Variants in HECTD4 observed in about 807,000 individuals in gnomAD.
The protein encoded by HECTD4 is HECT domain E3 ubiquitin protein ligase 4, also known as probable E3 ubiquitin-protein ligase HECTD4.
HECTD4 carries 114 observed loss-of-function variants against 471.5 expected under a neutral mutation model. That is an observed-to-expected ratio of 0.24 (90% CI 0.21 to 0.28). HECTD4 has a LOEUF of 0.28. Among genes scored for constraint, HECTD4 ranks in the 10% least tolerant of loss-of-function variants. The pLI is 1.00. For missense variants in HECTD4, 3,866 were observed against 5,651.5 expected (o/e 0.68, Z 10.13); for synonymous variants, 2,012 against 2,256.0 (o/e 0.89, Z 3.07).
Position 112,308,883 on chromosome 12 carries a change from A to G in HECTD4, c.1034T>C (p.Val345Ala). The G allele has an allele frequency of 1.3e-6, 2 of 1,535,980 alleles. No homozygotes were observed. The highest frequency in any genetic ancestry group is 8.7e-7 in the Non-Finnish European group (1 of 1,146,838). The change falls in exon 6 of 76, where the codon GTG (valine) becomes GCG (alanine). Residue 345 changes from valine (V) to alanine (A), a missense_variant. Val to Ala is a moderately conservative substitution (Grantham distance 64). Around this residue, in one of 16 missense-constraint regions of HECTD4, gnomAD observed 440 missense variants for 636.0 expected, o/e 0.69. Coordinates refer to ENST00000682272, the MANE Select transcript of HECTD4 (RefSeq NM_001388303.1). The part of the protein sequence containing the change: ...SGLHGTLRGF[V>A]YCRNEELEPG... ...TTCCAACTCCTCGTTCCGGCAGTACACAAAACCTCTGTGGAATGAAATGGA... is the reference window on the plus strand; with the variant it reads ...TTCCAACTCCTCGTTCCGGCAGTACGCAAAACCTCTGTGGAATGAAATGGA...
chr12:112,332,204 G>A (rs1274577048), intron 1 of HECTD4, among the ~76,000 whole-genome samples: 1 of 151,986 alleles, frequency 6.6e-6, no homozygotes, highest in Non-Finnish European at 1.5e-5. Context: ...CTCAAACAGT[G>A]TGCATCAAAA....
intron 65 of HECTD4, 30 bp downstream of exon 65, chr12:112,176,566 G>A (rs1454463150): frequency 1.3e-6 from 2 of 1,503,630 alleles, no homozygotes; most frequent in African/African-American, 2.8e-5. Context: ...GTAGGTCCCA[G>A]CCCACTCCAG....
chr12:112,309,590 T>C lies in HECTD4; in HGVS notation c.996A>G (p.Lys332=), dbSNP rs751110758. Residue 332 remains lysine (K), a synonymous_variant, in exon 5 of 76, where the codon AAA becomes AAG. Coordinates refer to ENST00000682272, the MANE Select transcript of HECTD4 (RefSeq NM_001388303.1). Reference sequence around the variant, plus strand: ...GAGTACCATGTAATCCAGATCCCAATTTGCTTACTCCTCTTCCAACTGAGT... The same window carrying C: ...GAGTACCATGTAATCCAGATCCCAACTTGCTTACTCCTCTTCCAACTGAGT... ...TTNSVGRGVS[K]LGSGLHGTLR... 216 of 1,525,322 alleles carry C rather than the reference T, an allele frequency of 1.4e-4. No homozygotes were observed. Among genetic ancestry groups the C allele is most frequent in the Non-Finnish European group, 1.7e-4 (198 of 1,136,340 alleles). The allele number at this position is 1,525,322 out of a possible 1,614,324, so 94.5% of individuals were successfully genotyped here.
At position 112,207,765 on chromosome 12, in the gene HECTD4, G is replaced by C. The variant is rs535244819; in HGVS notation, c.8131+109C>G. The C allele has an allele frequency of 1.4e-4, 172 of 1,253,064 alleles. 4 individuals carry two copies. In the South Asian group the frequency reaches 2.3e-3, roughly 17 times the overall value. The allele number at this position is 1,253,064 out of a possible 1,614,324, so 77.6% of individuals were successfully genotyped here. A position where few individuals can be genotyped will look rare whatever the true frequency, so the allele number is the denominator to read the frequency against. On this transcript the variant is annotated intron_variant, in intron 52 of 75. Coordinates refer to ENST00000682272, the MANE Select transcript of HECTD4 (RefSeq NM_001388303.1). ...AAGGTAAGGTCAAAGACACTGTTAA[G>C]TATGGTGCAACATTAGATGAGTCTC... is the stretch of plus-strand genomic sequence containing the variant.
Position 112,333,953 on chromosome 12 carries a change from A to G in HECTD4, c.178-14211T>C, listed in dbSNP as rs2035889881. Reference sequence around the variant, plus strand: ...GCCAGGTGCGGTGGCTCATGTCTGTAATCCCAGCAGTTTGGGACCCCAAGG... The same window carrying G: ...GCCAGGTGCGGTGGCTCATGTCTGTGATCCCAGCAGTTTGGGACCCCAAGG... On this transcript the variant is annotated intron_variant, in intron 1 of 75. Coordinates refer to ENST00000682272, the MANE Select transcript of HECTD4 (RefSeq NM_001388303.1). Among the ~76,000 whole-genome samples, 3 of 152,162 alleles carry G rather than the reference A, an allele frequency of 2.0e-5. No individual in the cohort carries two copies. In the South Asian group the frequency reaches 6.2e-4, roughly 32 times the overall value.
chr12:112,207,962 G>A lies in HECTD4; in HGVS notation c.8043C>T (p.Thr2681=), dbSNP rs2032642950. Residue 2681 remains threonine, a synonymous_variant, in exon 52 of 76, where the codon ACC becomes ACT. Transcript: ENST00000682272. Reference sequence around the variant, plus strand: ...GTCTTCGGATGGTAGGAAAAACCTTGGTCTCCCATGCTTTCACCAGCAGGG... The same window carrying A: ...GTCTTCGGATGGTAGGAAAAACCTTAGTCTCCCATGCTTTCACCAGCAGGG... The part of the protein sequence containing the change: ...HYALLVKAWE[T]KVFPTIRRRF... 2.5e-6 allele frequency: 4 copies of A among 1,613,626 alleles called. No individual in the cohort carries two copies. In the East Asian group the frequency reaches 8.9e-5, roughly 36 times the overall value.
At chr12:112,352,707 A>G (rs1028059848) in intron 1 of HECTD4, among the ~76,000 whole-genome samples, 1 of 152,020 alleles carries the variant, frequency 6.6e-6, no homozygotes, top group African/African-American at 2.4e-5. Flanking sequence ...CCTGGGCTCA[A>G]GCAATCCTCC....
chr12:112,307,675 C>A (rs2035292777), intron 6 of HECTD4, among the ~76,000 whole-genome samples: 1 of 152,176 alleles, frequency 6.6e-6, no homozygotes, highest in Non-Finnish European at 1.5e-5. Flanking sequence ...CAGTGGTGAA[C>A]AAGACTCAGT....
chr12:112,178,665 A>G (rs1246506196), intron 64 of HECTD4, among the ~76,000 whole-genome samples: 6 of 152,188 alleles, frequency 3.9e-5, no homozygotes, highest in Non-Finnish European at 8.8e-5. Context: ...CCCCATCTCT[A>G]CAGAAAATTT....
intron 7 of HECTD4, chr12:112,302,031 C>T (rs552018578): frequency 8.2e-6 from 9 of 1,092,400 alleles, no homozygotes; most frequent in East Asian, 2.4e-5. Context: ...TTAGCCAAAG[C>T]GCCTTTGTCT....
chr12:112,186,253 G>T (rs1393739413), intron 60 of HECTD4, among the ~76,000 whole-genome samples: 1 of 150,210 alleles, frequency 6.7e-6, no homozygotes, highest in Non-Finnish European at 1.5e-5. Context: ...GCCTCCCAAA[G>T]TGCTGGGTTT....
chr12:112,379,613 C>G (rs1263265809), intron 1 of HECTD4, among the ~76,000 whole-genome samples: 1 of 151,822 alleles, frequency 6.6e-6, no homozygotes, highest in African/African-American at 2.4e-5. Context: ...AAAATTGCCT[C>G]AACCCGGGAG....
chr12:112,258,641 T>C, intron 19 of HECTD4, 45 bp from the exon 20 acceptor site: 2 of 1,491,430 alleles, frequency 1.3e-6, no homozygotes, highest in Non-Finnish European at 1.8e-6. Context: ...CTACTGTCAG[T>C]TATCTGAATG....
chr12:112,285,610 A>C (rs926654986), intron 7 of HECTD4, among the ~76,000 whole-genome samples: 1 of 152,156 alleles, frequency 6.6e-6, no homozygotes, highest in Non-Finnish European at 1.5e-5. Context: ...GTTTGCCATA[A>C]CATCCCCAGC....
At chr12:112,177,731 G>T (rs952734190) in intron 64 of HECTD4, among the ~76,000 whole-genome samples, 12 of 152,334 alleles carry the variant, frequency 7.9e-5, no homozygotes, top group African/African-American at 2.6e-4. Context: ...GTACTGGTCT[G>T]AAATGATTTC....
In HECTD4 at chr12:112,335,904, T is replaced by C. The variant is rs766561309; in HGVS notation, c.178-16162A>G. Among the ~76,000 whole-genome samples the C allele has an allele frequency of 1.1e-4, 16 of 152,128 alleles. 1 individual carries two copies. The highest frequency in any genetic ancestry group is 9.2e-4 in the Admixed American group (14 of 15,256). On this transcript the variant is annotated intron_variant, in intron 1 of 75. Coordinates refer to ENST00000682272, the MANE Select transcript of HECTD4 (RefSeq NM_001388303.1). ...TGTTTTGCAATCTCTACCGATTTAATAGATTTAGGCAGTGAGCTTTAGCAG... is the reference window on the plus strand; with the variant it reads ...TGTTTTGCAATCTCTACCGATTTAACAGATTTAGGCAGTGAGCTTTAGCAG...
Position 112,235,827 on chromosome 12 carries a change from G to C in HECTD4, c.5445-43C>G, listed in dbSNP as rs760253296. 2 of 1,515,196 alleles carry C rather than the reference G, an allele frequency of 1.3e-6. No homozygotes were observed. Among genetic ancestry groups the C allele is most frequent in the East Asian group, 2.3e-5 (1 of 42,822 alleles). The allele number at this position is 1,515,196 out of a possible 1,614,324, so 93.9% of individuals were successfully genotyped here. On this transcript the variant is annotated intron_variant, in intron 35 of 75. Coordinates refer to ENST00000682272, the MANE Select transcript of HECTD4 (RefSeq NM_001388303.1). This position sits in a 1 kb window ranked among gnomAD's most constrained non-coding sequence, Gnocchi z 5.0. ...AAAGGTACACAGTGCTAGAAATGTTGATCTATAGACATTCAGAAGCAAGAG... is the reference window on the plus strand; with the variant it reads ...AAAGGTACACAGTGCTAGAAATGTTCATCTATAGACATTCAGAAGCAAGAG...
At chr12:112,190,723 C>A in intron 60 of HECTD4, 63 bp downstream of exon 60, 1 of 1,469,108 alleles carries the variant, frequency 6.8e-7, no homozygotes, top group Non-Finnish European at 9.2e-7. Context: ...AAGCTCCTTC[C>A]TCAGGCACCA....
intron 43 of HECTD4, among the ~76,000 whole-genome samples, chr12:112,227,814 G>T (rs1593952731): frequency 6.6e-6 from 1 of 152,072 alleles, no homozygotes; most frequent in Admixed American, 6.5e-5. Context: ...CAAATCAGTG[G>T]AGCCTTATGT....
Sources: gnomAD v4.1 joint callset for allele counts (sites outside exome capture counted in the v4.1 genomes callset) on GRCh38, gnomAD v4.1.1 for gene constraint, gnomAD v4.1.1 regional missense constraint, Gnocchi (gnomAD v3.1) non-coding constraint, MANE v1.5 for transcripts, NCBI Gene and HGNC (gene_info 2026-07-23, HGNC 2026-07-21) for gene names.